PDE3B: variants seen among roughly 807,000 people sequenced by gnomAD.
PDE3B encodes phosphodiesterase 3B.
A neutral mutation model predicts 116.8 loss-of-function variants in PDE3B; 66 were observed. The observed-to-expected ratio is 0.56, with a 90% CI of 0.46 to 0.69. The LOEUF (loss-of-function observed/expected upper bound fraction) is 0.69. PDE3B is among the 30% of genes least tolerant of loss of function. PDE3B has a pLI of 0.00. For synonymous variants in PDE3B, 595 were observed against 533.6 expected (o/e 1.12, Z -1.59); for missense variants, 1,384 against 1,368.1 (o/e 1.01, Z -0.18).
chr11:14,713,390 T>A (rs749271998), intron 1 of PDE3B, among the ~76,000 whole-genome samples: 8 of 152,260 alleles, frequency 5.3e-5, no homozygotes, highest in Non-Finnish European at 1.2e-4. Flanking sequence ...ATAGATGGAT[T>A]ATGAGTAGAG....
intron 5 of PDE3B, among the ~76,000 whole-genome samples, chr11:14,808,803 A>G (rs1859033050): frequency 6.6e-6 from 1 of 152,354 alleles, no homozygotes; most frequent in South Asian, 2.1e-4. Context: ...AAATAAATTT[A>G]GCAAAATAGT....
In PDE3B at chr11:14,822,193, A is replaced by G. The variant is rs994953; in HGVS notation, c.1807+2984A>G. ...ACTAGGATTATAGGTATGAGCTGTT[A>G]TGCCTGGCCAAGATCTCTTTTTACA... On this transcript the variant is annotated intron_variant, in intron 7 of 15. Transcript: ENST00000282096. 4.5e-3 allele frequency among the ~76,000 whole-genome samples: 687 copies of G among 152,252 alleles called. 3 individuals are homozygous for G. The highest frequency in any genetic ancestry group is 0.015 in the African/African-American group (611 of 41,548).
intron 1 of PDE3B, among the ~76,000 whole-genome samples, chr11:14,759,366 C>T (rs572919584): frequency 1.2e-4 from 19 of 152,224 alleles, no homozygotes; most frequent in Admixed American, 5.2e-4. Context: ...CCTTGTACCT[C>T]TGGTACATTT....
intron 2 of PDE3B, among the ~76,000 whole-genome samples, chr11:14,783,203 ATTGC>A (rs1191178018): frequency 6.6e-6 from 1 of 152,238 alleles, no homozygotes; most frequent in Non-Finnish European, 1.5e-5. Flanking sequence ...CAGTATGGTG[ATTGC>A]TGAAGGATCT....
chr11:14,651,651 A>G (rs1462245053), intron 1 of PDE3B, among the ~76,000 whole-genome samples: 1 of 152,076 alleles, frequency 6.6e-6, no homozygotes, highest in Admixed American at 6.6e-5. Context: ...TGTGATTGTA[A>G]TCTGCATTTT....
At chr11:14,795,363 C>A (rs1387287780) in intron 4 of PDE3B, among the ~76,000 whole-genome samples, 1 of 152,198 alleles carries the variant, frequency 6.6e-6, no homozygotes, top group African/African-American at 2.4e-5. Context: ...CAATATCACA[C>A]CAAGTCTGAC....
chr11:14,829,950 C>T (rs1345332934), intron 7 of PDE3B, among the ~76,000 whole-genome samples: 1 of 152,094 alleles, frequency 6.6e-6, no homozygotes, highest in Non-Finnish European at 1.5e-5. Flanking sequence ...TTTTGTCTTT[C>T]ATACGCTTTT....
chr11:14,812,967 A>G (rs1221981850), intron 5 of PDE3B, among the ~76,000 whole-genome samples: 1 of 152,176 alleles, frequency 6.6e-6, no homozygotes, highest in African/African-American at 2.4e-5. Context: ...AGAGACCTCA[A>G]AGAGCTCTCT....
chr11:14,682,122 G>A (rs1565089903), intron 1 of PDE3B, among the ~76,000 whole-genome samples: 1 of 152,126 alleles, frequency 6.6e-6, no homozygotes, highest in Admixed American at 6.6e-5. Context: ...TTATCATAAA[G>A]GTCTTCATCC....
chr11:14,867,272 TTAAC>T (rs1555008212), intron 14 of PDE3B, among the ~76,000 whole-genome samples: 1 of 152,246 alleles, frequency 6.6e-6, no homozygotes, highest in African/African-American at 2.4e-5. Flanking sequence ...ATGTTTCTTA[TTAAC>T]TGAGTATCAG....
rs1555007095 is a variant in PDE3B, at chr11:14,861,200, A to G, written c.2725-5A>G. 1.2e-6 allele frequency: 2 copies of G among 1,602,202 alleles called. No homozygotes were observed. The highest frequency in any genetic ancestry group is 2.7e-5 in the African/African-American group (2 of 74,716). The stretch of plus-strand genomic sequence containing the variant: ...ACCTAAAATGATGTTGTTTTTCCAA[A>G]ATAGGCAAATGATGTAAATAGTAAT... On this transcript the variant is annotated splice_polypyrimidine_tract_variant and splice_region_variant and intron_variant, in intron 13 of 15. Transcript: ENST00000282096.
chr11:14,688,160 C>CCTCT (rs10676187), intron 1 of PDE3B, among the ~76,000 whole-genome samples: 2 of 125,894 alleles, frequency 1.6e-5, no homozygotes, highest in Non-Finnish European at 3.3e-5. Flanking sequence ...TCCCTCCATC[C>CCTCT]CTCTCTCTCT....
chr11:14,885,927 G>A, the PDE3B span: 8 of 1,612,496 alleles, frequency 5.0e-6, no homozygotes, highest in Non-Finnish European at 6.8e-6. Context: ...TCTTTGAGAA[G>A]AGAAGAAAAA....
At position 14,662,132 on chromosome 11, in the gene PDE3B, G is replaced by A. The variant is rs144438564; in HGVS notation, c.978+17079G>A. On this transcript the variant is annotated intron_variant, in intron 1 of 15. Transcript: ENST00000282096. ...AAACTTCCAGAGGAACGATCAGACA[G>A]CAACATTCACGGTTCACAAAAATCC... 4.3e-3 allele frequency among the ~76,000 whole-genome samples: 655 copies of A among 152,288 alleles called. 2 individuals are homozygous for A. Among genetic ancestry groups the A allele is most frequent in the Non-Finnish European group, 6.5e-3 (444 of 68,036 alleles).
intron 1 of PDE3B, among the ~76,000 whole-genome samples, chr11:14,709,768 T>G (rs1318781565): frequency 2.6e-5 from 4 of 152,238 alleles, no homozygotes; most frequent in African/African-American, 9.6e-5. Flanking sequence ...TGTCACAGTC[T>G]TCTTATGAGG....
chr11:14,882,832 A>C, the PDE3B span, among the ~76,000 whole-genome samples: 1 of 152,212 alleles, frequency 6.6e-6, no homozygotes, highest in African/African-American at 2.4e-5. Context: ...AACTTCAGCA[A>C]ATTCTCAGGA....
At chr11:14,753,655 A>G (rs1283320524) in intron 1 of PDE3B, among the ~76,000 whole-genome samples, 1 of 152,108 alleles carries the variant, frequency 6.6e-6, no homozygotes, top group African/African-American at 2.4e-5. Flanking sequence ...TAAATGATAG[A>G]AGTAAGATAC....
chr11:14,854,532 T>A (rs1249461186), intron 12 of PDE3B, among the ~76,000 whole-genome samples: 1 of 152,118 alleles, frequency 6.6e-6, no homozygotes, highest in Non-Finnish European at 1.5e-5. Flanking sequence ...TTTTTTTTTT[T>A]TTGTGAGACA....
chr11:14,681,043 A>G (rs16930437), intron 1 of PDE3B, among the ~76,000 whole-genome samples: 3,871 of 152,240 alleles, frequency 0.025, 69 homozygotes, highest in Middle Eastern at 0.034. Context: ...GGCTTACAGT[A>G]TTCTCACCAG....
Sources: allele counts gnomAD v4.1 joint callset (sites outside exome capture counted in the v4.1 genomes callset), GRCh38; gene constraint gnomAD v4.1.1; transcripts MANE v1.5; gene names NCBI Gene and HGNC (gene_info 2026-07-23, HGNC 2026-07-21).